SNTG1: variants seen among roughly 807,000 people sequenced by gnomAD.
The protein encoded by SNTG1 is syntrophin gamma 1, also known as gamma-1-syntrophin.
A neutral mutation model predicts 74.7 loss-of-function variants in SNTG1; 39 were observed. The ratio of observed to expected loss-of-function variants is 0.52; its 90% confidence interval spans 0.40 to 0.68. The LOEUF is 0.68. Among genes scored for constraint, SNTG1 ranks in the 30% least tolerant of loss-of-function variants. SNTG1 has a pLI of 0.00. For synonymous variants in SNTG1, 254 were observed against 217.1 expected (o/e 1.17, Z -1.49); for missense variants, 685 against 609.5 (o/e 1.12, Z -1.30).
chr8:50,229,451 G>A (rs1455284679), intron 2 of SNTG1, among the ~76,000 whole-genome samples: 1 of 151,050 alleles, frequency 6.6e-6, no homozygotes, highest in Admixed American at 6.6e-5. Context: ...AAAAAGACTG[G>A]GTTAGCTATA....
intron 18 of SNTG1, among the ~76,000 whole-genome samples, chr8:50,778,137 A>G (rs983436098): frequency 6.6e-6 from 1 of 152,110 alleles, no homozygotes; most frequent in African/African-American, 2.4e-5. Context: ...AGTGTTTGCT[A>G]TTGTGAATAG....
chr8:50,501,420 T>C (rs1475468065), intron 8 of SNTG1, among the ~76,000 whole-genome samples: 17 of 140,758 alleles, frequency 1.2e-4, no homozygotes, highest in Non-Finnish European at 2.6e-4. Context: ...GAGATGAGCC[T>C]GTGCGTTTTT....
intron 1 of SNTG1, among the ~76,000 whole-genome samples, chr8:49,952,490 G>C (rs1325329185): frequency 1.3e-5 from 2 of 152,206 alleles, no homozygotes; most frequent in Non-Finnish European, 2.9e-5. Context: ...TGACAAATTA[G>C]AGGCTGCTGT....
intron 2 of SNTG1, among the ~76,000 whole-genome samples, chr8:50,189,037 A>T (rs1216478910): frequency 1.3e-5 from 2 of 152,124 alleles, no homozygotes; most frequent in Admixed American, 6.6e-5. Context: ...CCAGAGAAGC[A>T]TATCTTAATG....
chr8:50,170,999 T>A (rs529469645), intron 1 of SNTG1, among the ~76,000 whole-genome samples: 22 of 152,204 alleles, frequency 1.4e-4, no homozygotes, highest in African/African-American at 5.1e-4. Context: ...ACCCAGTTAA[T>A]CTCCTTCAAA....
Position 50,595,318 on chromosome 8 carries a change from A to T in SNTG1, c.849+4401A>T, listed in dbSNP as rs377246138. Among the ~76,000 whole-genome samples the T allele has an allele frequency of 5.3e-5, 8 of 152,036 alleles. No homozygotes were observed. The East Asian group carries it at 9.6e-4, about 18-fold the overall frequency. On this transcript the variant is annotated intron_variant, in intron 13 of 18. Coordinates refer to ENST00000642720, the MANE Select transcript of SNTG1 (RefSeq NM_018967.5). ...AGGAGAATCCACCTCAAAAAAAGTA[A>T]TGTGTCTGTATAAATTAACTCTTGG...
At chr8:50,423,649 A>G (rs1204424965) in intron 4 of SNTG1, among the ~76,000 whole-genome samples, 4 of 152,234 alleles carry the variant, frequency 2.6e-5, no homozygotes, top group African/African-American at 7.2e-5. Context: ...CAAGCCAACT[A>G]TGAAGAAGGG....
At chr8:50,097,040 G>A (rs1175258473) in intron 1 of SNTG1, among the ~76,000 whole-genome samples, 1 of 151,950 alleles carries the variant, frequency 6.6e-6, no homozygotes, top group Admixed American at 6.6e-5. Flanking sequence ...CGTGATCTCT[G>A]CTTACTGTAA....
At chr8:50,002,076 C>T (rs1026521665) in intron 1 of SNTG1, among the ~76,000 whole-genome samples, 5 of 152,048 alleles carry the variant, frequency 3.3e-5, no homozygotes, top group Non-Finnish European at 5.9e-5. Context: ...CAACACTAGA[C>T]ATATTTCATA....
chr8:50,506,191 T>C (rs1296479292), intron 9 of SNTG1, among the ~76,000 whole-genome samples: 1 of 152,124 alleles, frequency 6.6e-6, no homozygotes, highest in African/African-American at 2.4e-5. Flanking sequence ...GATTATTCCG[T>C]TCCATTGTTC....
intron 1 of SNTG1, among the ~76,000 whole-genome samples, chr8:50,118,012 C>A (rs1038199783): frequency 1.9e-4 from 29 of 152,046 alleles, no homozygotes; most frequent in African/African-American, 5.8e-4. Flanking sequence ...GACTGAGCAC[C>A]CTCCTGTTCT....
At chr8:50,219,943 A>G (rs1306793286) in intron 2 of SNTG1, among the ~76,000 whole-genome samples, 1 of 152,056 alleles carries the variant, frequency 6.6e-6, no homozygotes, top group Non-Finnish European at 1.5e-5. Flanking sequence ...ATCAAACATG[A>G]AAGTTTAATT....
chr8:50,002,733 G>A (rs1427943632), intron 1 of SNTG1, among the ~76,000 whole-genome samples: 2 of 151,944 alleles, frequency 1.3e-5, no homozygotes, highest in Non-Finnish European at 2.9e-5. Flanking sequence ...ATATGACCCA[G>A]CAATTTTGTT....
chr8:50,621,858 CT>C (rs780325766), intron 13 of SNTG1, among the ~76,000 whole-genome samples: 1 of 152,178 alleles, frequency 6.6e-6, no homozygotes, highest in Non-Finnish European at 1.5e-5. Flanking sequence ...AATAAAATAA[CT>C]TTTAGAAATA....
chr8:50,739,706 C>G (rs1114527), intron 17 of SNTG1, among the ~76,000 whole-genome samples: 63,304 of 151,690 alleles, frequency 0.42, 15,686 homozygotes, highest in African/African-American at 0.7. Flanking sequence ...TACAACGTGG[C>G]GGCATCACTC....
At chr8:50,317,143 A>G (rs1050916696) in intron 2 of SNTG1, among the ~76,000 whole-genome samples, 24 of 152,110 alleles carry the variant, frequency 1.6e-4, no homozygotes, top group African/African-American at 5.8e-4. Context: ...CTTTAAGAGA[A>G]ATTTGGTAAT....
At chr8:50,304,846 C>T (rs541004221) in intron 2 of SNTG1, among the ~76,000 whole-genome samples, 8 of 152,136 alleles carry the variant, frequency 5.3e-5, no homozygotes, top group Non-Finnish European at 7.4e-5. Flanking sequence ...GTTATTTGAA[C>T]CTTATTCTCT....
intron 1 of SNTG1, among the ~76,000 whole-genome samples, chr8:50,170,758 AGG>A (rs1479743192): frequency 2.0e-5 from 3 of 152,154 alleles, no homozygotes; most frequent in Non-Finnish European, 1.5e-5. Flanking sequence ...AAGCTTGTGT[AGG>A]TTTGTGGCAA....
intron 8 of SNTG1, among the ~76,000 whole-genome samples, chr8:50,454,702 C>G (rs28410655): frequency 6.6e-6 from 1 of 151,040 alleles, no homozygotes; most frequent in Non-Finnish European, 1.5e-5. Context: ...ATTAGTCAGG[C>G]GTGGTGGCGC....
Sources: gnomAD v4.1 joint callset for allele counts (sites outside exome capture counted in the v4.1 genomes callset) on GRCh38, gnomAD v4.1.1 for gene constraint, MANE v1.5 for transcripts, NCBI Gene and HGNC (gene_info 2026-07-23, HGNC 2026-07-21) for gene names.